Variants in TCF12 observed in about 807,000 individuals in gnomAD.
TCF12 encodes the protein transcription factor 12.
TCF12 carries 45 observed loss-of-function variants against 86.0 expected under a neutral mutation model. The ratio of observed to expected loss-of-function variants is 0.52; its 90% CI spans 0.41 to 0.67. The LOEUF is 0.67. Among genes scored for constraint, TCF12 ranks in the 30% least tolerant of loss-of-function variants. TCF12 has a pLI of 0.00. For missense variants in TCF12, 881 were observed against 859.9 expected (o/e 1.02, Z -0.31); for synonymous variants, 330 against 299.6 (o/e 1.10, Z -1.05).
chr15:57,018,424 T>C (rs1362355264), intron 3 of TCF12, among the ~76,000 whole-genome samples: 1 of 152,238 alleles, frequency 6.6e-6, no homozygotes, highest in African/African-American at 2.4e-5. Context: ...AATTGCTGTC[T>C]CATTTTAATG....
rs1370020315 is a variant in TCF12, at chr15:57,286,599, C to G, written c.*454C>G. ...TCTACACTCAGCTGATGCCAGCATA[C>G]ATTAAAGCGGTTCACGTGCAGAGAA... On this transcript the variant is annotated 3_prime_UTR_variant, in exon 21 of 21. Transcript: ENST00000333725. The G allele has an allele frequency of 2.2e-6, 1 of 456,680 alleles. No individual in the cohort carries two copies. The highest frequency in any genetic ancestry group is 2.0e-5 in the African/African-American group (1 of 50,216). 28.3% of individuals were successfully genotyped at this position (456,680 alleles called of 1,614,324 possible).
At chr15:56,933,928 A>G (rs2060356713) in intron 3 of TCF12, among the ~76,000 whole-genome samples, 1 of 151,914 alleles carries the variant, frequency 6.6e-6, no homozygotes, top group African/African-American at 2.4e-5. Context: ...TTTCATCAGA[A>G]TGAAATATAT....
chr15:56,992,192 G>C (rs1190742787), intron 3 of TCF12, among the ~76,000 whole-genome samples: 4 of 152,104 alleles, frequency 2.6e-5, no homozygotes, highest in African/African-American at 9.7e-5. Flanking sequence ...GATGATGTGA[G>C]CCCAGGAGGT....
At chr15:57,252,612 T>G in intron 15 of TCF12, 120 bp downstream of exon 15, 1 of 783,458 alleles carries the variant, frequency 1.3e-6, no homozygotes, top group Non-Finnish European at 2.0e-6. Flanking sequence ...GTTGACTGTT[T>G]CAGTTTTTAT....
chr15:57,235,171 G>A (rs2059328358), intron 12 of TCF12, among the ~76,000 whole-genome samples: 1 of 152,128 alleles, frequency 6.6e-6, no homozygotes, highest in African/African-American at 2.4e-5. Flanking sequence ...GTTGAATTCT[G>A]TCTTGGATCA....
intron 6 of TCF12, among the ~76,000 whole-genome samples, 167 bp downstream of exon 6, chr15:57,166,633 C>A (rs1437404700): frequency 1.3e-5 from 2 of 152,168 alleles, no homozygotes; most frequent in Non-Finnish European, 2.9e-5. Context: ...TTCAGTTCCC[C>A]AGTTTACCAG....
chr15:56,918,541 T>C (rs2059603293), upstream of TCF12: 2 of 278,388 alleles, frequency 7.2e-6, no homozygotes, highest in South Asian at 2.7e-5. Context: ...CCCCGACAGC[T>C]CCTCCCCGCC....
intron 3 of TCF12, among the ~76,000 whole-genome samples, chr15:56,961,865 G>A (rs2061770041): frequency 1.3e-5 from 2 of 151,998 alleles, no homozygotes; most frequent in African/African-American, 4.8e-5. Context: ...TTAATGGGCC[G>A]GGCGCGGTGG....
At position 57,063,825 on chromosome 15, in the gene TCF12, T is replaced by G; in HGVS notation, c.222+2T>G. 6.3e-7 allele frequency: 1 copy of G among 1,582,970 alleles called. No homozygotes were observed. Among genetic ancestry groups the G allele is most frequent in the Middle Eastern group, 1.7e-4 (1 of 5,966 alleles). ...AGTCCTTCCTATGATTCATCTAGAG[T>G]AAGTTTGCTGATCAACCCTTGATTA... On this transcript the variant is annotated splice_donor_variant, in intron 4 of 20. Transcript: ENST00000333725. LOFTEE classifies it high-confidence loss of function.
chr15:57,068,811 C>G (rs530082883), intron 4 of TCF12, among the ~76,000 whole-genome samples: 1 of 151,946 alleles, frequency 6.6e-6, no homozygotes, highest in Admixed American at 6.6e-5. Context: ...TTCTATGTGT[C>G]TTAGTTTTCT....
intron 4 of TCF12, among the ~76,000 whole-genome samples, chr15:57,080,498 C>T (rs1348108285): frequency 6.6e-6 from 1 of 152,114 alleles, no homozygotes; most frequent in Non-Finnish European, 1.5e-5. Flanking sequence ...ATAGGTCTGT[C>T]TCTTAACAAG....
At chr15:57,012,078 G>A (rs1463396629) in intron 3 of TCF12, among the ~76,000 whole-genome samples, 1 of 151,918 alleles carries the variant, frequency 6.6e-6, no homozygotes. Flanking sequence ...TCTTAAGCAG[G>A]GATCTTAATA....
chr15:57,083,219 T>C (rs1382823082), intron 4 of TCF12, among the ~76,000 whole-genome samples: 4 of 152,198 alleles, frequency 2.6e-5, no homozygotes, highest in African/African-American at 9.6e-5. Flanking sequence ...ATACTGGTAA[T>C]GTTCTATTTG....
At chr15:57,195,864 G>A (rs2057238330) in intron 7 of TCF12, among the ~76,000 whole-genome samples, 2 of 152,080 alleles carry the variant, frequency 1.3e-5, no homozygotes, top group South Asian at 4.2e-4. Flanking sequence ...AATTAGCTGG[G>A]TGCGGTGGCA....
At chr15:56,958,184 A>G (rs1201133701) in intron 3 of TCF12, among the ~76,000 whole-genome samples, 2 of 152,146 alleles carry the variant, frequency 1.3e-5, no homozygotes, top group East Asian at 1.9e-4. Context: ...TGCCGACTCT[A>G]TGAGATCCGT....
chr15:57,200,722 G>A (rs1210871967), intron 8 of TCF12, among the ~76,000 whole-genome samples: 2 of 152,192 alleles, frequency 1.3e-5, no homozygotes, highest in Admixed American at 1.3e-4. Context: ...ATTGATTAGA[G>A]ACTTTTTTTG....
At chr15:57,057,557 A>C (rs76185826) in intron 3 of TCF12, among the ~76,000 whole-genome samples, 6,145 of 152,326 alleles carry the variant, frequency 0.04, 374 homozygotes, top group Admixed American at 0.17. Flanking sequence ...AGCTAGCTAG[A>C]TATTTTCTTT....
At chr15:57,263,561 G>A (rs1372162925) in intron 18 of TCF12, among the ~76,000 whole-genome samples, 4 of 152,172 alleles carry the variant, frequency 2.6e-5, no homozygotes, top group African/African-American at 9.7e-5. Context: ...TAGATAAGTA[G>A]AAGGTAAAAT....
intron 5 of TCF12, chr15:57,134,618 A>G (rs1378387243): frequency 6.6e-6 from 1 of 152,230 alleles, no homozygotes; most frequent in East Asian, 1.9e-4. Context: ...TTTAGCAATT[A>G]TGAGACAACT....
Sources: allele counts gnomAD v4.1 joint callset (sites outside exome capture counted in the v4.1 genomes callset), GRCh38; gene constraint gnomAD v4.1.1; transcripts MANE v1.5; gene names NCBI Gene and HGNC (gene_info 2026-07-23, HGNC 2026-07-21).